HS2ST1: variants seen among roughly 807,000 people sequenced by gnomAD.
The protein encoded by HS2ST1 is 2-O-sulfotransferase.
In HS2ST1, 18 loss-of-function variants were observed where a neutral mutation model predicts 42.9. That is an observed-to-expected ratio of 0.42 (90% CI 0.29 to 0.62). The LOEUF is 0.62. Ranked by LOEUF, HS2ST1 falls within the 20% of genes least tolerant of loss-of-function variation. HS2ST1 has a pLI of 0.21. For missense variants in HS2ST1, 334 were observed against 433.8 expected (o/e 0.77, Z 2.04); for synonymous variants, 146 against 152.9 (o/e 0.95, Z 0.33).
At chr1:87,047,846 C>T (rs1650725498) in intron 1 of HS2ST1, among the ~76,000 whole-genome samples, 1 of 152,166 alleles carries the variant, frequency 6.6e-6, no homozygotes, top group South Asian at 2.1e-4. Context: ...GTCTGGATTA[C>T]TGTAACTTGA....
chr1:87,006,712 A>G (rs181519475), intron 1 of HS2ST1, among the ~76,000 whole-genome samples: 9 of 152,260 alleles, frequency 5.9e-5, no homozygotes, highest in African/African-American at 1.9e-4. Context: ...TATTCTAACT[A>G]AAGTTTGAAT....
chr1:87,002,178 C>T (rs1649309203), intron 1 of HS2ST1, among the ~76,000 whole-genome samples: 1 of 152,180 alleles, frequency 6.6e-6, no homozygotes, highest in Non-Finnish European at 1.5e-5. Flanking sequence ...TCCCAAAGTG[C>T]TGGGATTACA....
At chr1:86,979,242 C>T (rs1296845720) in intron 1 of HS2ST1, among the ~76,000 whole-genome samples, 1 of 152,062 alleles carries the variant, frequency 6.6e-6, no homozygotes, top group Non-Finnish European at 1.5e-5. Context: ...AATTTTTAAG[C>T]GTATATAGTT....
chr1:87,094,110 C>T (rs185162917), intron 4 of HS2ST1, among the ~76,000 whole-genome samples: 3 of 151,838 alleles, frequency 2.0e-5, no homozygotes, highest in East Asian at 1.9e-4. Context: ...TTCACTTGTG[C>T]GCTTTCTTTT....
chr1:87,062,916 C>T (rs1936280), intron 1 of HS2ST1, among the ~76,000 whole-genome samples: 124,753 of 152,160 alleles, frequency 0.82, 51,362 homozygotes, highest in East Asian at 0.97. Flanking sequence ...AGGCTTCATA[C>T]AGGTGCATTC....
intron 1 of HS2ST1, among the ~76,000 whole-genome samples, chr1:87,010,935 G>A (rs1649582666): frequency 6.6e-6 from 1 of 151,852 alleles, no homozygotes; most frequent in Non-Finnish European, 1.5e-5. Flanking sequence ...ACAGGTGTGT[G>A]CTGCCATGCC....
chr1:86,993,257 A>T (rs1295658329), intron 1 of HS2ST1: 11 of 1,168,712 alleles, frequency 9.4e-6, no homozygotes, highest in African/African-American at 1.5e-5. Context: ...CTAAAAACTG[A>T]TAATAGGATT....
At chr1:87,080,599 A>G (rs1651660931) in intron 2 of HS2ST1, among the ~76,000 whole-genome samples, 2 of 152,188 alleles carry the variant, frequency 1.3e-5, no homozygotes, top group African/African-American at 4.8e-5. Flanking sequence ...AAGCACCCCC[A>G]TAAGAACCAA....
chr1:86,975,027 G>A (rs1301210174), intron 1 of HS2ST1, among the ~76,000 whole-genome samples: 1 of 152,132 alleles, frequency 6.6e-6, no homozygotes, highest in African/African-American at 2.4e-5. Context: ...TGCAACCACA[G>A]AACTGGCTGG....
At chr1:86,981,914 C>T (rs543143451) in intron 1 of HS2ST1, among the ~76,000 whole-genome samples, 5 of 152,230 alleles carry the variant, frequency 3.3e-5, no homozygotes, top group Admixed American at 6.5e-5. Flanking sequence ...CTTTCCACAC[C>T]GTCCTAGCAG....
chr1:87,055,310 A>G (rs939886611), intron 1 of HS2ST1, among the ~76,000 whole-genome samples: 4 of 152,078 alleles, frequency 2.6e-5, no homozygotes, highest in African/African-American at 7.2e-5. Context: ...CAATTCTCAA[A>G]TTCACTGAAT....
chr1:87,020,514 C>A (rs1172282486), intron 1 of HS2ST1, among the ~76,000 whole-genome samples: 1 of 152,104 alleles, frequency 6.6e-6, no homozygotes, highest in Non-Finnish European at 1.5e-5. Context: ...ATTTTAGATA[C>A]CATTCTTAAT....
intron 1 of HS2ST1, chr1:87,045,340 C>T (rs2100608327): frequency 7.7e-7 from 1 of 1,294,552 alleles, no homozygotes; most frequent in Non-Finnish European, 1.1e-6. Context: ...CTGACAACTT[C>T]TTGTGATTAT....
intron 1 of HS2ST1, among the ~76,000 whole-genome samples, chr1:86,964,044 G>A (rs1647956085): frequency 2.0e-5 from 3 of 151,020 alleles, no homozygotes; most frequent in African/African-American, 4.9e-5. Context: ...ACGGGGTCGC[G>A]GCCGGGCAGA....
chr1:86,936,314 G>A (rs1431960641), intron 1 of HS2ST1, among the ~76,000 whole-genome samples: 1 of 151,786 alleles, frequency 6.6e-6, no homozygotes, highest in Non-Finnish European at 1.5e-5. Context: ...TGTTATTTTT[G>A]TTTCTATAAC....
chr1:86,966,454 TG>T (rs1431608451), intron 1 of HS2ST1, among the ~76,000 whole-genome samples: 1 of 152,242 alleles, frequency 6.6e-6, no homozygotes, highest in Non-Finnish European at 1.5e-5. Flanking sequence ...TCTAATTTTA[TG>T]GAATGTTCTT....
chr1:87,095,784 A>C (rs1652046207), intron 4 of HS2ST1, among the ~76,000 whole-genome samples: 1 of 152,058 alleles, frequency 6.6e-6, no homozygotes, highest in Non-Finnish European at 1.5e-5. Flanking sequence ...AATATCAGTA[A>C]ATTTGCCATT....
In HS2ST1 at chr1:86,914,958, T is replaced by C; in HGVS notation, c.-79T>C. ...TTGCCTCGCTCCCGGCTCGGCGGGC[T>C]CCTCCCGGCGTCTCTCTCGCCTCCG... On this transcript the variant is annotated 5_prime_UTR_variant, in exon 1 of 7. Coordinates refer to ENST00000370550, the MANE Select transcript of HS2ST1 (RefSeq NM_012262.4). The C allele has an allele frequency of 1.3e-6, 2 of 1,565,230 alleles. No individual in the cohort carries two copies. Among genetic ancestry groups the C allele is most frequent in the African/African-American group, 1.4e-5 (1 of 73,744 alleles).
At chr1:87,091,604 G>A (rs1346816711) in intron 3 of HS2ST1, among the ~76,000 whole-genome samples, 1 of 151,996 alleles carries the variant, frequency 6.6e-6, no homozygotes, top group African/African-American at 2.4e-5. Flanking sequence ...AGTAATCTAA[G>A]CAAGCACTGA....
Sources: gnomAD v4.1 joint callset for allele counts (sites outside exome capture counted in the v4.1 genomes callset) on GRCh38, gnomAD v4.1.1 for gene constraint, MANE v1.5 for transcripts, NCBI Gene and HGNC (gene_info 2026-07-23, HGNC 2026-07-21) for gene names.